The following ARHGAP29 variants were observed in gnomAD, a reference collection of about 807,000 sequenced individuals.
ARHGAP29 encodes Rho GTPase activating protein 29.
A neutral mutation model predicts 122.6 loss-of-function variants in ARHGAP29; 43 were observed. The observed-to-expected ratio is 0.35, with a 90% confidence interval of 0.27 to 0.45. The LOEUF is 0.45. Ranked by LOEUF, ARHGAP29 falls within the 20% of genes least tolerant of loss-of-function variation. ARHGAP29 has a pLI of 1.00. For synonymous variants in ARHGAP29, 506 were observed against 497.1 expected (o/e 1.02, Z -0.24); for missense variants, 1,303 against 1,477.2 (o/e 0.88, Z 1.93).
At chr1:94,312,355 G>GTTTTTTTTTTT in the ARHGAP29 span, among the ~76,000 whole-genome samples, 9 of 88,784 alleles carry the variant, frequency 1.0e-4, no homozygotes, top group Admixed American at 1.2e-4. Flanking sequence ...ATTTTTATTT[G>GTTTTTTTTTTT]TTTTTTTTTT....
chr1:94,236,393 G>C (rs773815761), intron 1 of ARHGAP29, among the ~76,000 whole-genome samples: 9 of 152,192 alleles, frequency 5.9e-5, no homozygotes, highest in Admixed American at 1.3e-4. Context: ...CCTCATCCAA[G>C]AATTTAAACA....
rs564204945 is a variant in ARHGAP29 at position 94,252,287 on chromosome 1, T to C, written c.-32-20644A>G. Among the ~76,000 whole-genome samples the C allele has an allele frequency of 1.8e-4, 28 of 152,368 alleles. No homozygotes were observed. In the South Asian group the frequency reaches 3.3e-3, roughly 18 times the overall value. On this transcript the variant is annotated intron_variant and NMD_transcript_variant, in intron 1 of 25. Coordinates refer to the ARHGAP29 transcript ENST00000552844. Reference sequence around the variant, plus strand: ...AAGTTCTGCTTATAGCTTGGTTCCCTTTCTTGGGTTTCTGGGCTCTGCTAG... The same window carrying C: ...AAGTTCTGCTTATAGCTTGGTTCCCCTTCTTGGGTTTCTGGGCTCTGCTAG...
the ARHGAP29 span, among the ~76,000 whole-genome samples, chr1:94,281,652 T>C: frequency 6.6e-6 from 1 of 152,202 alleles, no homozygotes; most frequent in Admixed American, 6.5e-5. Flanking sequence ...CATAGACTTC[T>C]CCCCCAGTAG....
chr1:94,258,722 A>G (rs1483300083), intron 1 of ARHGAP29, among the ~76,000 whole-genome samples: 1 of 152,210 alleles, frequency 6.6e-6, no homozygotes, highest in African/African-American at 2.4e-5. Flanking sequence ...TCTTACATAG[A>G]TTATCTTATT....
At chr1:94,219,910 C>T (rs1052457279) in intron 3 of ARHGAP29, among the ~76,000 whole-genome samples, 5 of 152,204 alleles carry the variant, frequency 3.3e-5, no homozygotes, top group African/African-American at 1.2e-4. Context: ...CACATTACCA[C>T]TCTCCAATTT....
the ARHGAP29 span, among the ~76,000 whole-genome samples, chr1:94,287,807 C>T: frequency 6.6e-6 from 1 of 151,826 alleles, no homozygotes; most frequent in Admixed American, 6.6e-5. Flanking sequence ...CAGCTTCATC[C>T]ATGTCCCTGC....
rs1196744652 is a variant in ARHGAP29 at position 94,201,863 on chromosome 1, C to A, written c.1144-6G>T. The A allele has an allele frequency of 4.7e-6, 7 of 1,481,226 alleles. No homozygotes were observed. Among genetic ancestry groups the A allele is most frequent in the African/African-American group, 1.9e-5 (1 of 51,420 alleles). The allele number at this position is 1,481,226 out of a possible 1,614,324, so 91.8% of individuals were successfully genotyped here. On this transcript the variant is annotated splice_polypyrimidine_tract_variant and splice_region_variant and intron_variant, in intron 11 of 22. Transcript: ENST00000260526. The stretch of plus-strand genomic sequence containing the variant: ...AGTTCATTTGCTTCTTCTACCTTCA[C>A]AAATATCACAGAAAAAAAAATAACA...
At chr1:94,305,388 C>G in the ARHGAP29 span, among the ~76,000 whole-genome samples, 1 of 152,140 alleles carries the variant, frequency 6.6e-6, no homozygotes, top group Non-Finnish European at 1.5e-5. Flanking sequence ...GAGAACAGCA[C>G]TGGAAGTAAA....
At position 94,232,096 on chromosome 1, in the gene ARHGAP29, T is replaced by C. The variant is rs542631634; in HGVS notation, c.-32-453A>G. 2.6e-5 allele frequency among the ~76,000 whole-genome samples: 4 copies of C among 152,254 alleles called. No individual in the cohort carries two copies. The South Asian group carries it at 8.3e-4, about 32-fold the overall frequency. On this transcript the variant is annotated intron_variant, in intron 1 of 22. Transcript: ENST00000260526. The stretch of plus-strand genomic sequence containing the variant: ...ACTTAGTAGAAGGTCATATTCTCCT[T>C]CCATGACATCACCTTCAAAAATAAA...
intron 16 of ARHGAP29, 67 bp downstream of exon 16, chr1:94,186,432 A>T: frequency 9.0e-7 from 1 of 1,113,954 alleles, no homozygotes; most frequent in Non-Finnish European, 1.3e-6. Flanking sequence ...TATACTATTT[A>T]TCTAATATCA....
At position 94,212,504 on chromosome 1, in the gene ARHGAP29, T is replaced by G. The variant is rs371422339; in HGVS notation, c.341-3154A>C. Among the ~76,000 whole-genome samples the G allele has an allele frequency of 4.6e-5, 7 of 152,248 alleles. No individual in the cohort carries two copies. In the East Asian group the frequency reaches 7.7e-4, roughly 17 times the overall value. ...ATAATACCATCAAAAATGTAAATCCTACTTGTATTTCCTAACTTTAAGCTG... is the reference window on the plus strand; with the variant it reads ...ATAATACCATCAAAAATGTAAATCCGACTTGTATTTCCTAACTTTAAGCTG... On this transcript the variant is annotated intron_variant, in intron 3 of 22. Coordinates refer to ENST00000260526, the MANE Select transcript of ARHGAP29 (RefSeq NM_004815.4).
chr1:94,214,731 T>C (rs1427195760), intron 3 of ARHGAP29, among the ~76,000 whole-genome samples: 1 of 152,168 alleles, frequency 6.6e-6, no homozygotes, highest in Admixed American at 6.5e-5. Flanking sequence ...TCCCTTGGGT[T>C]CCCTATTAAA....
At chr1:94,204,144 C>CA in intron 7 of ARHGAP29, 150 bp from the exon 8 acceptor site, 6 of 381,098 alleles carry the variant, frequency 1.6e-5, no homozygotes, top group Admixed American at 4.6e-5. Flanking sequence ...TTCTTTCTTC[C>CA]TTTTTTTTTT....
upstream of ARHGAP29, chr1:94,237,871 G>A (rs994503562): frequency 4.6e-5 from 25 of 546,820 alleles, no homozygotes; most frequent in African/African-American, 6.1e-5. Context: ...ATGGCCAGAT[G>A]AGCAGCTACA....
chr1:94,272,728 C>T (rs1328397983), intron 1 of ARHGAP29, among the ~76,000 whole-genome samples: 14 of 152,208 alleles, frequency 9.2e-5, no homozygotes, highest in Non-Finnish European at 1.5e-5. Context: ...TTCTCTCCTT[C>T]CACGGAGGTC....
the ARHGAP29 span, among the ~76,000 whole-genome samples, chr1:94,284,770 G>A: frequency 6.6e-6 from 1 of 152,206 alleles, no homozygotes. Flanking sequence ...AGCCAATCCT[G>A]TCTAGTACAC....
chr1:94,239,499 A>T (rs1653490630), upstream of ARHGAP29, among the ~76,000 whole-genome samples: 1 of 152,062 alleles, frequency 6.6e-6, no homozygotes, highest in Admixed American at 6.5e-5. Flanking sequence ...CAAGGAGGAG[A>T]GAAAAGCAGG....
In ARHGAP29 at chr1:94,263,984, G is replaced by A. The variant is rs144062953; in HGVS notation, c.-33+11028C>T. On this transcript the variant is annotated intron_variant and NMD_transcript_variant, in intron 1 of 25. Coordinates refer to the ARHGAP29 transcript ENST00000552844. ...CTTTGGGTATAAGTAACACAGTGGT[G>A]AGCATCCTTGTTAAAACCGAGCTTG... Among the ~76,000 whole-genome samples, 6 of 152,274 alleles carry A rather than the reference G, an allele frequency of 3.9e-5. No individual in the cohort carries two copies. The East Asian group carries it at 1.2e-3, about 29-fold the overall frequency.
chr1:94,247,512 GC>G (rs1243090961), intron 1 of ARHGAP29, among the ~76,000 whole-genome samples: 1 of 151,206 alleles, frequency 6.6e-6, no homozygotes, highest in Non-Finnish European at 1.5e-5. Context: ...GGCGACCCCA[GC>G]CCGGAGCCAC....
Sources: gnomAD v4.1 joint callset for allele counts (sites outside exome capture counted in the v4.1 genomes callset) on GRCh38, gnomAD v4.1.1 for gene constraint, MANE v1.5 for transcripts, NCBI Gene and HGNC (gene_info 2026-07-23, HGNC 2026-07-21) for gene names.